The following DAB1 variants were observed in gnomAD, a reference collection of about 807,000 sequenced individuals.
DAB1 encodes the protein DAB adaptor protein 1, also known as disabled homolog 1.
DAB1 carries 15 observed loss-of-function variants against 64.6 expected under a neutral mutation model. The observed-to-expected ratio is 0.23, with a 90% CI of 0.16 to 0.36. The LOEUF (loss-of-function observed/expected upper bound fraction) is 0.36. Among genes scored for constraint, DAB1 ranks in the 10% least tolerant of loss-of-function variants. The probability of loss-of-function intolerance (pLI) is 1.00; values close to 1 mark genes in which losing one functional copy is unlikely to be tolerated. For missense variants in DAB1, 596 were observed against 706.7 expected (o/e 0.84, Z 1.78); for synonymous variants, 235 against 251.9 (o/e 0.93, Z 0.64).
intron 5 of DAB1, among the ~76,000 whole-genome samples, chr1:57,991,738 T>C (rs1391309198): frequency 6.9e-6 from 1 of 145,030 alleles, no homozygotes; most frequent in Non-Finnish European, 1.5e-5. Context: ...ACCAGCTACT[T>C]GGGAGGCTGA....
Position 58,131,745 on chromosome 1 carries a change from G to C in DAB1, n.387+18766C>G, listed in dbSNP as rs999471104. On this transcript the variant is annotated intron_variant and non_coding_transcript_variant, in intron 5 of 20. Coordinates refer to the DAB1 transcript ENST00000485760. ...TGAGGTGTCAGTGTGCCCCTGCTGG[G>C]GGGTGCCTCCCAGTTAGGCTGCTCG... 6.4e-3 allele frequency among the ~76,000 whole-genome samples: 939 copies of C among 147,448 alleles called. 13 individuals are homozygous for C. Among genetic ancestry groups the C allele is most frequent in the African/African-American group, 0.023 (903 of 39,262 alleles).
At chr1:57,268,489 C>G (rs1670752122) in intron 2 of DAB1, among the ~76,000 whole-genome samples, 1 of 152,152 alleles carries the variant, frequency 6.6e-6, no homozygotes, top group South Asian at 2.1e-4. Flanking sequence ...CTCAATTCAT[C>G]CAACCCATTC....
At chr1:57,035,925 C>T (rs1381891116) in intron 9 of DAB1, among the ~76,000 whole-genome samples, 2 of 142,852 alleles carry the variant, frequency 1.4e-5, no homozygotes, top group Middle Eastern at 3.9e-3. Flanking sequence ...TCACTGCAAC[C>T]GTTGCCTCCC....
chr1:58,533,182 C>T (rs1458397097), intron 1 of DAB1, among the ~76,000 whole-genome samples: 1 of 152,076 alleles, frequency 6.6e-6, no homozygotes, highest in African/African-American at 2.4e-5. Context: ...TCAAGATGAA[C>T]AGACATGTAT....
At position 57,545,313 on chromosome 1, in the gene DAB1, A is replaced by G. The variant is rs369810719; in HGVS notation, n.625+104279T>C. 7.2e-5 allele frequency among the ~76,000 whole-genome samples: 11 copies of G among 152,134 alleles called. No homozygotes were observed. In the South Asian group the frequency reaches 1.0e-3, roughly 14 times the overall value. The stretch of plus-strand genomic sequence containing the variant: ...AGTCTGCCTTATTTTTCTCTACCAC[A>G]CTATCTACCTCCCACAATATTCTTT... On this transcript the variant is annotated intron_variant and non_coding_transcript_variant, in intron 7 of 20. Coordinates refer to the DAB1 transcript ENST00000485760.
At chr1:57,051,249 T>C (rs1649155354) in intron 9 of DAB1, among the ~76,000 whole-genome samples, 1 of 152,254 alleles carries the variant, frequency 6.6e-6, no homozygotes, top group Admixed American at 6.5e-5. Context: ...CAACCTCCTC[T>C]TGTGTGACAT....
At chr1:57,450,233 GA>G (rs1476016199) in intron 7 of DAB1, among the ~76,000 whole-genome samples, 1 of 152,204 alleles carries the variant, frequency 6.6e-6, no homozygotes, top group African/African-American at 2.4e-5. Flanking sequence ...GTAAACGACT[GA>G]CACTTGATAT....
chr1:58,370,579 T>C (rs1173980707), intron 3 of DAB1, among the ~76,000 whole-genome samples: 1 of 152,204 alleles, frequency 6.6e-6, no homozygotes, highest in Non-Finnish European at 1.5e-5. Context: ...TAAGAGAATC[T>C]ATTCAGATAT....
intron 7 of DAB1, among the ~76,000 whole-genome samples, chr1:57,463,100 G>GCATCTATTCCCT (rs1324417148): frequency 6.6e-6 from 1 of 152,122 alleles, no homozygotes; most frequent in Non-Finnish European, 1.5e-5. Flanking sequence ...CCTTTAAAAA[G>GCATCTATTCCCT]CATCTATTCC....
chr1:57,341,784 A>C (rs1677608749), intron 1 of DAB1, among the ~76,000 whole-genome samples: 1 of 152,234 alleles, frequency 6.6e-6, no homozygotes, highest in Non-Finnish European at 1.5e-5. Context: ...TTCACTAAAA[A>C]GAAGTGTTCT....
chr1:58,250,223 G>C (rs1005280883), intron 4 of DAB1, among the ~76,000 whole-genome samples: 1 of 152,138 alleles, frequency 6.6e-6, no homozygotes, highest in Non-Finnish European at 1.5e-5. Flanking sequence ...GCGGGCGGGC[G>C]CAACATATTC....
chr1:57,763,074 T>C (rs576327083), intron 6 of DAB1, among the ~76,000 whole-genome samples: 71 of 152,278 alleles, frequency 4.7e-4, no homozygotes, highest in African/African-American at 1.6e-3. Context: ...CCCTCCCCTA[T>C]TGCAAAATAA....
intron 7 of DAB1, among the ~76,000 whole-genome samples, chr1:57,557,383 T>C (rs1645001451): frequency 2.6e-5 from 4 of 152,094 alleles, no homozygotes; most frequent in Admixed American, 2.6e-4. Flanking sequence ...CTTGTGATCA[T>C]GTAAGTTAAT....
At chr1:57,312,002 A>C (rs1202313223) in intron 1 of DAB1, among the ~76,000 whole-genome samples, 1 of 152,256 alleles carries the variant, frequency 6.6e-6, no homozygotes, top group African/African-American at 2.4e-5. Context: ...CTGCAACATT[A>C]GTACTGTGGC....
At chr1:58,058,796 G>A (rs1314942227) in intron 5 of DAB1, among the ~76,000 whole-genome samples, 1 of 152,208 alleles carries the variant, frequency 6.6e-6, no homozygotes, top group East Asian at 1.9e-4. Context: ...ATCTGTTCAT[G>A]CTATGAAATC....
intron 5 of DAB1, among the ~76,000 whole-genome samples, chr1:58,092,723 G>A (rs909963303): frequency 6.6e-6 from 1 of 152,104 alleles, no homozygotes; most frequent in Non-Finnish European, 1.5e-5. Context: ...TAGAGAGTAG[G>A]TGCTCAAATA....
At chr1:58,527,323 T>C in exon 2 of DAB1, 1 of 872,080 alleles carries the variant, frequency 1.1e-6, no homozygotes, top group Non-Finnish European at 2.0e-6. Flanking sequence ...CTGTATGGTC[T>C]ATTAAACATA....
At chr1:57,010,919 T>C (rs1211071486) in intron 13 of DAB1, 129 bp from the exon 14 acceptor site, 8 of 854,944 alleles carry the variant, frequency 9.4e-6, no homozygotes, top group Non-Finnish European at 1.4e-5. Flanking sequence ...ATTTAGAGGA[T>C]GCTACACCAC....
chr1:57,044,640 TG>T (rs570781687), intron 9 of DAB1, among the ~76,000 whole-genome samples: 259 of 152,304 alleles, frequency 1.7e-3, no homozygotes, highest in African/African-American at 5.6e-3. Context: ...AAGCAGAAAG[TG>T]TCTTTACTCA....
Sources: gnomAD v4.1 joint callset for allele counts (sites outside exome capture counted in the v4.1 genomes callset) on GRCh38, gnomAD v4.1.1 for gene constraint, MANE v1.5 for transcripts, NCBI Gene and HGNC (gene_info 2026-07-23, HGNC 2026-07-21) for gene names.